The following ETNK1 variants were observed in gnomAD, a reference collection of about 807,000 sequenced individuals.
The protein encoded by ETNK1 is putative protein product of Nbla10396.
Under a neutral mutation model 45.1 loss-of-function variants are expected in ETNK1, and 8 were observed. That is an observed-to-expected ratio of 0.18 (90% confidence interval 0.10 to 0.32). The LOEUF (loss-of-function observed/expected upper bound fraction) is 0.32. Among genes scored for constraint, ETNK1 ranks in the 10% least tolerant of loss-of-function variants. The pLI is 1.00. For synonymous variants in ETNK1, 152 were observed against 151.9 expected (o/e 1.00, Z -0.01); for missense variants, 302 against 430.6 (o/e 0.70, Z 2.64).
Position 22,689,783 on chromosome 12 carries a change from T to C in ETNK1, c.*4829T>C, listed in dbSNP as rs552447147. ...TGCTGTGGTTGTGGTGTGCTGCTACTTAATTATAGGTAGTGACACACTGAA... is the reference window on the plus strand; with the variant it reads ...TGCTGTGGTTGTGGTGTGCTGCTACCTAATTATAGGTAGTGACACACTGAA... On this transcript the variant is annotated 3_prime_UTR_variant, in exon 8 of 8. Coordinates refer to ENST00000266517, the MANE Select transcript of ETNK1 (RefSeq NM_018638.5). 5.3e-5 allele frequency: 8 copies of C among 152,134 alleles called. 1 individual carries two copies. The East Asian group carries it at 1.5e-3, about 29-fold the overall frequency. 9.4% of individuals were successfully genotyped at this position (152,134 alleles called of 1,614,324 possible).
chr12:22,687,955 C>T lies in ETNK1; in HGVS notation c.*3001C>T, dbSNP rs1282800702. The T allele has an allele frequency of 6.6e-6, 1 of 152,212 alleles. No individual in the cohort carries two copies. The highest frequency in any genetic ancestry group is 1.5e-5 in the Non-Finnish European group (1 of 67,738). The allele number at this position is 152,212 out of a possible 1,614,324, so 9.4% of individuals were successfully genotyped here. A position where few individuals can be genotyped will look rare whatever the true frequency, so the allele number is the denominator to read the frequency against. On this transcript the variant is annotated 3_prime_UTR_variant, in exon 8 of 8. Transcript: ENST00000266517. ...TAATGTCAGTACTCATTTATTTAGC[C>T]TCTCAGTGCTTAATAAGACTTTTCT...
intron 2 of ETNK1, among the ~76,000 whole-genome samples, chr12:22,651,242 C>T (rs935212531): frequency 2.0e-5 from 3 of 152,180 alleles, no homozygotes; most frequent in Non-Finnish European, 4.4e-5. Context: ...CCACTTTAAT[C>T]TTTTATTATG....
At chr12:22,675,720 G>A (rs915400884) in intron 6 of ETNK1, among the ~76,000 whole-genome samples, 2 of 151,958 alleles carry the variant, frequency 1.3e-5, no homozygotes, top group Non-Finnish European at 2.9e-5. Context: ...TACTTACTCT[G>A]ATTCAAAATG....
chr12:22,652,318 G>T (rs1187900310), intron 2 of ETNK1, among the ~76,000 whole-genome samples: 1 of 152,186 alleles, frequency 6.6e-6, no homozygotes, highest in Non-Finnish European at 1.5e-5. Context: ...TGTGAACATG[G>T]ATATGTAAAT....
chr12:22,634,032 TAAG>T (rs1363194949), intron 1 of ETNK1, among the ~76,000 whole-genome samples: 2 of 152,100 alleles, frequency 1.3e-5, no homozygotes, highest in African/African-American at 4.8e-5. Flanking sequence ...TTCCCAGTCT[TAAG>T]GAGAACATTT....
At chr12:22,644,053 GA>G in intron 2 of ETNK1, 31 bp downstream of exon 2, 1 of 1,414,028 alleles carries the variant, frequency 7.1e-7, no homozygotes, top group Non-Finnish European at 9.2e-7. Context: ...TTTTCCTTTT[GA>G]AAAATAGGGC....
intron 2 of ETNK1, among the ~76,000 whole-genome samples, chr12:22,650,405 G>A (rs1372653989): frequency 6.6e-6 from 1 of 151,834 alleles, no homozygotes; most frequent in Non-Finnish European, 1.5e-5. Flanking sequence ...TAGGATGTTA[G>A]CTGTAGTTTT....
At chr12:22,627,835 T>C (rs1275788698) in intron 1 of ETNK1, among the ~76,000 whole-genome samples, 2 of 152,066 alleles carry the variant, frequency 1.3e-5, no homozygotes, top group Non-Finnish European at 2.9e-5. Flanking sequence ...GTAATACTTA[T>C]CTGGTGATTG....
Position 22,654,399 on chromosome 12 carries a change from G to C in ETNK1, c.417-4615G>C, listed in dbSNP as rs3825255. 3.6e-4 allele frequency among the ~76,000 whole-genome samples: 55 copies of C among 152,302 alleles called. 1 individual carries two copies. In the East Asian group the frequency reaches 5.4e-3, roughly 15 times the overall value. ...CAAAGAATAGGCAGTATTTTAAATG[G>C]ATGCTCATTTGGTTTTTGTATAAGA... is the stretch of plus-strand genomic sequence containing the variant. On this transcript the variant is annotated intron_variant, in intron 2 of 7. Coordinates refer to ENST00000266517, the MANE Select transcript of ETNK1 (RefSeq NM_018638.5).
At chr12:22,634,357 T>A (rs1391265615) in intron 1 of ETNK1, among the ~76,000 whole-genome samples, 1 of 152,180 alleles carries the variant, frequency 6.6e-6, no homozygotes, top group African/African-American at 2.4e-5. Flanking sequence ...TTGATTAGGA[T>A]TTTTGCAGCT....
intron 1 of ETNK1, among the ~76,000 whole-genome samples, chr12:22,633,299 C>A (rs944625693): frequency 6.6e-6 from 1 of 152,146 alleles, no homozygotes; most frequent in Non-Finnish European, 1.5e-5. Flanking sequence ...GAACTCCTGG[C>A]CTCAAGCAAT....
intron 2 of ETNK1, among the ~76,000 whole-genome samples, chr12:22,657,609 T>G (rs534053697): frequency 1.3e-5 from 2 of 152,190 alleles, no homozygotes; most frequent in Admixed American, 1.3e-4. Flanking sequence ...TTTTCCTAAT[T>G]TTCTAATAGC....
At chr12:22,633,702 G>A (rs767986668) in intron 1 of ETNK1, among the ~76,000 whole-genome samples, 20 of 152,036 alleles carry the variant, frequency 1.3e-4, no homozygotes, top group Non-Finnish European at 2.1e-4. Context: ...TCAAACTTTT[G>A]AAGTTTTCAC....
intron 1 of ETNK1, among the ~76,000 whole-genome samples, chr12:22,629,737 T>TAAAAAATTAAAC (rs1953551204): frequency 6.6e-6 from 1 of 152,146 alleles, no homozygotes; most frequent in East Asian, 1.9e-4. Context: ...GCTAATTTTT[T>TAAAAAATTAAAC]AATATATTAA....
At chr12:22,679,236 A>G (rs1954190210) in intron 6 of ETNK1, among the ~76,000 whole-genome samples, 1 of 152,208 alleles carries the variant, frequency 6.6e-6, no homozygotes, top group South Asian at 2.1e-4. Context: ...TCTGTGGCCA[A>G]AGGCCCAAGA....
intron 4 of ETNK1, among the ~76,000 whole-genome samples, chr12:22,665,016 A>G (rs1048964202): frequency 7.2e-5 from 11 of 152,166 alleles, no homozygotes; most frequent in African/African-American, 2.7e-4. Context: ...TTTAAACCAT[A>G]GTAACTTAGA....
At chr12:22,669,507 T>C (rs1308711173) in intron 4 of ETNK1, among the ~76,000 whole-genome samples, 1 of 152,142 alleles carries the variant, frequency 6.6e-6, no homozygotes, top group Non-Finnish European at 1.5e-5. Flanking sequence ...ATTTGTAATT[T>C]CCCTGGTCAT....
intron 6 of ETNK1, among the ~76,000 whole-genome samples, chr12:22,683,518 G>A (rs1487635618): frequency 1.3e-5 from 2 of 152,072 alleles, no homozygotes; most frequent in African/African-American, 4.8e-5. Flanking sequence ...GTAGAATACA[G>A]AATGGCTAAT....
chr12:22,644,227 C>G, intron 2 of ETNK1: 1 of 1,605,360 alleles, frequency 6.2e-7, no homozygotes, highest in Non-Finnish European at 8.5e-7. Flanking sequence ...ATCGTTGACT[C>G]TTTGCAAAGG....
Sources: gnomAD v4.1 joint callset for allele counts (sites outside exome capture counted in the v4.1 genomes callset) on GRCh38, gnomAD v4.1.1 for gene constraint, MANE v1.5 for transcripts, NCBI Gene and HGNC (gene_info 2026-07-23, HGNC 2026-07-21) for gene names.